Variants in RFX7 observed in about 807,000 individuals in gnomAD.
RFX7 encodes DNA-binding protein RFX7.
In RFX7, 26 loss-of-function variants were observed where a neutral mutation model predicts 111.8. The observed-to-expected ratio is 0.23, with a 90% CI of 0.17 to 0.32. The LOEUF (loss-of-function observed/expected upper bound fraction) is 0.32. RFX7 is among the 10% of genes least tolerant of loss of function. RFX7 has a pLI of 1.00. For missense variants in RFX7, 1,573 were observed against 1,772.9 expected (o/e 0.89, Z 2.02); for synonymous variants, 624 against 624.4 (o/e 1.00, Z 0.01).
At chr15:56,216,387 T>C (rs1421864285) in intron 2 of RFX7, among the ~76,000 whole-genome samples, 2 of 152,210 alleles carry the variant, frequency 1.3e-5, no homozygotes, top group Admixed American at 6.5e-5. Flanking sequence ...AATGCATCCA[T>C]TGTATTCAAG....
At position 56,095,646 on chromosome 15, in the gene RFX7, C is replaced by A; in HGVS notation, c.2082G>T (p.Lys694Asn). Residue 694 changes from lysine to asparagine, a missense_variant, in exon 10 of 10, where the codon AAG (lysine) becomes AAT (asparagine). By Grantham distance (94) the Lys-to-Asn change is moderately conservative. Transcript: ENST00000559447. ...TIEGQKQGSV[K>N]KDQKVPHSGK... The stretch of plus-strand genomic sequence containing the variant: ...CTGAATGTGGAACCTTTTGGTCCTT[C>A]TTAACACTGCCTTGTTTCTGCCCTT... 1.9e-6 allele frequency: 3 copies of A among 1,613,998 alleles called. No individual in the cohort carries two copies. In the South Asian group the frequency reaches 3.3e-5, roughly 18 times the overall value.
chr15:56,195,091 G>T (rs985398587), intron 2 of RFX7, among the ~76,000 whole-genome samples: 2 of 152,076 alleles, frequency 1.3e-5, no homozygotes, highest in South Asian at 4.1e-4. Context: ...AAGGAATGCA[G>T]TATCAACAAA....
At chr15:56,190,678 C>T (rs1194522743) in intron 2 of RFX7, among the ~76,000 whole-genome samples, 11 of 152,104 alleles carry the variant, frequency 7.2e-5, no homozygotes, top group African/African-American at 2.7e-4. Flanking sequence ...TTATGGGTCC[C>T]ACTACAGACC....
chr15:56,182,884 T>A (rs1398089504), intron 2 of RFX7, among the ~76,000 whole-genome samples: 1 of 152,036 alleles, frequency 6.6e-6, no homozygotes, highest in African/African-American at 2.4e-5. Context: ...TTATAAATGA[T>A]TTTTTTCTAT....
chr15:56,120,745 T>A (rs1320101731), intron 5 of RFX7, among the ~76,000 whole-genome samples: 1 of 152,172 alleles, frequency 6.6e-6, no homozygotes, highest in East Asian at 1.9e-4. Flanking sequence ...TGCTTTTTAT[T>A]TTTCTGTGTA....
At chr15:56,151,608 C>A (rs1320498330) in intron 3 of RFX7, among the ~76,000 whole-genome samples, 2 of 152,110 alleles carry the variant, frequency 1.3e-5, no homozygotes, top group South Asian at 4.2e-4. Context: ...CAAAAACATA[C>A]CAAATTGTAA....
chr15:56,235,231 T>C (rs2043610128), intron 2 of RFX7, among the ~76,000 whole-genome samples: 1 of 151,830 alleles, frequency 6.6e-6, no homozygotes. Context: ...CGGAGTGCAG[T>C]GGCGTGATCT....
At chr15:56,128,866 C>G (rs192745488) in intron 5 of RFX7, among the ~76,000 whole-genome samples, 3 of 151,736 alleles carry the variant, frequency 2.0e-5, no homozygotes, top group Admixed American at 6.6e-5. Context: ...TTGCAGGATA[C>G]GAGATCAATA....
rs576766289 is a variant in RFX7 at position 56,159,530 on chromosome 15, GAAGT to G, written c.196-15051_196-15048del. On this transcript the variant is annotated intron_variant, in intron 3 of 9. Coordinates refer to ENST00000559447, the MANE Select transcript of RFX7 (RefSeq NM_022841.7). ...TTTCCTAAGCTATCGACATATAATT[GAAGT>G]TAGTAAATATTTCTGACAACAGCTG... Among the ~76,000 whole-genome samples the G allele has an allele frequency of 1.1e-3, 170 of 152,252 alleles. 1 individual carries two copies. Among genetic ancestry groups the G allele is most frequent in the African/African-American group, 3.8e-3 (158 of 41,560 alleles).
chr15:56,095,893 C>T lies in RFX7; in HGVS notation c.1835G>A (p.Gly612Asp). Reference protein sequence around the residue: ...CKSRCNEMLPGTSTGNNQSTI... With the variant: ...CKSRCNEMLPDTSTGNNQSTI... ...GCTTTGATTATTGCCTGTTGACGTG[C>T]CTGGCAGCATTTCATTACAGCGACT... Residue 612 changes from glycine (G) to aspartate (D), a missense_variant, in exon 10 of 10, where the codon GGC becomes GAC. Transcript: ENST00000559447. 6.2e-7 allele frequency: 1 copy of T among 1,605,290 alleles called. No individual in the cohort carries two copies.
intron 5 of RFX7, among the ~76,000 whole-genome samples, chr15:56,132,527 T>G (rs920719821): frequency 2.0e-4 from 31 of 152,076 alleles, no homozygotes; most frequent in Admixed American, 9.8e-4. Context: ...TCTAATAGCA[T>G]TTACTAAAAT....
chr15:56,222,842 C>T (rs765490648), intron 2 of RFX7, among the ~76,000 whole-genome samples: 2 of 152,084 alleles, frequency 1.3e-5, no homozygotes, highest in Non-Finnish European at 2.9e-5. Context: ...CCTGCTTCTT[C>T]ATTTGTTTAG....
intron 2 of RFX7, among the ~76,000 whole-genome samples, chr15:56,241,911 C>T (rs546230461): frequency 2.0e-5 from 3 of 152,310 alleles, no homozygotes; most frequent in East Asian, 1.9e-4. Flanking sequence ...TGACCTACTT[C>T]ATATCAGCAT....
At chr15:56,218,149 T>TTC (rs2043383719) in intron 2 of RFX7, among the ~76,000 whole-genome samples, 1 of 118,588 alleles carries the variant, frequency 8.4e-6, no homozygotes, top group Non-Finnish European at 1.8e-5. Context: ...ATTTTCTTTT[T>TTC]TTTTTTTTTT....
chr15:56,204,308 C>T (rs190125696), intron 2 of RFX7, among the ~76,000 whole-genome samples: 38 of 152,152 alleles, frequency 2.5e-4, no homozygotes, highest in African/African-American at 8.7e-4. Context: ...CATAAGCCAC[C>T]GAGCCTGGCC....
chr15:56,119,375 T>C (rs1361588838), intron 5 of RFX7, among the ~76,000 whole-genome samples: 2 of 152,210 alleles, frequency 1.3e-5, no homozygotes, highest in Non-Finnish European at 2.9e-5. Context: ...GGGCAAGAGA[T>C]AGGGGTCTAG....
intron 5 of RFX7, among the ~76,000 whole-genome samples, chr15:56,105,283 T>C (rs181080991): frequency 1.3e-5 from 2 of 152,214 alleles, no homozygotes; most frequent in Admixed American, 1.3e-4. Flanking sequence ...CTGTTTCTTT[T>C]CTTTGCATGA....
At chr15:56,161,107 C>T (rs530332315) in intron 3 of RFX7, among the ~76,000 whole-genome samples, 1 of 152,098 alleles carries the variant, frequency 6.6e-6, no homozygotes, top group Non-Finnish European at 1.5e-5. Context: ...TGATCTGAGT[C>T]AATTTGAAAG....
chr15:56,188,537 A>C (rs1465526275), intron 2 of RFX7, among the ~76,000 whole-genome samples: 1 of 152,222 alleles, frequency 6.6e-6, no homozygotes, highest in African/African-American at 2.4e-5. Context: ...AAGCAGCCAG[A>C]AAAAAGTAAC....
Sources: gnomAD v4.1 joint callset for allele counts (sites outside exome capture counted in the v4.1 genomes callset) on GRCh38, gnomAD v4.1.1 for gene constraint, MANE v1.5 for transcripts, NCBI Gene and HGNC (gene_info 2026-07-23, HGNC 2026-07-21) for gene names.